Variants in NPAS3 observed in about 807,000 individuals in gnomAD.
The protein encoded by NPAS3 is neuronal PAS domain protein 3.
Under a neutral mutation model 73.1 loss-of-function variants are expected in NPAS3, and 14 were observed. The observed-to-expected ratio is 0.19, with a 90% CI of 0.13 to 0.30. NPAS3 has a LOEUF of 0.30. Among genes scored for constraint, NPAS3 ranks in the 10% least tolerant of loss-of-function variants. The pLI is 1.00. For synonymous variants in NPAS3, 620 were observed against 541.5 expected, an observed-to-expected ratio of 1.14 and a Z score of -2.01; for missense variants, 1,096 against 1,250.0, an observed-to-expected ratio of 0.88 and a Z score of 1.86.
intron 4 of NPAS3, among the ~76,000 whole-genome samples, chr14:33,373,168 A>C (rs2046166293): frequency 6.6e-6 from 1 of 152,108 alleles, no homozygotes; most frequent in South Asian, 2.1e-4. Flanking sequence ...TTAATGCTTT[A>C]ATTATTTGTT....
At chr14:33,543,220 C>G (rs2054600222) in intron 4 of NPAS3, among the ~76,000 whole-genome samples, 1 of 152,176 alleles carries the variant, frequency 6.6e-6, no homozygotes, top group South Asian at 2.1e-4. Context: ...GGAACAGTCT[C>G]CCCTCTAGCC....
At chr14:33,455,152 C>T (rs1315594780) in intron 4 of NPAS3, among the ~76,000 whole-genome samples, 1 of 152,208 alleles carries the variant, frequency 6.6e-6, no homozygotes, top group Non-Finnish European at 1.5e-5. Flanking sequence ...ATTCAGGTGA[C>T]TAAATCTGCA....
At chr14:33,550,844 A>G (rs2055076899) in intron 4 of NPAS3, among the ~76,000 whole-genome samples, 1 of 152,174 alleles carries the variant, frequency 6.6e-6, no homozygotes, top group Admixed American at 6.5e-5. Context: ...ACAGAAAACC[A>G]ATATAAAGAT....
chr14:33,628,123 A>T (rs373082676), intron 5 of NPAS3, among the ~76,000 whole-genome samples: 4 of 152,224 alleles, frequency 2.6e-5, no homozygotes, highest in Admixed American at 2.0e-4. Context: ...ATGGTTTGTT[A>T]TCTCTTTGTC....
At chr14:33,006,315 T>C (rs1201629832) in intron 1 of NPAS3, among the ~76,000 whole-genome samples, 3 of 152,130 alleles carry the variant, frequency 2.0e-5, no homozygotes, top group Non-Finnish European at 2.9e-5. Flanking sequence ...CTGTTCATAA[T>C]AACACTAGGA....
In NPAS3 at chr14:33,800,401, C is replaced by T. The variant is rs201801296; in HGVS notation, c.2094C>T (p.Gly698=). Residue 698 remains glycine (G), a synonymous_variant, in exon 12 of 12, where the codon GGC becomes GGT. Transcript: ENST00000356141. The surrounding 1 kb of genome is among the most constrained non-coding windows in gnomAD (Gnocchi z 6.5). ...ACTTCCCGTCCCCGCAGGGCGGCGG[C>T]GGTGGGGGTGGCGGTGGCGGGGGGC... 3.3e-5 allele frequency: 52 copies of T among 1,571,248 alleles called. No individual in the cohort carries two copies. The African/African-American group carries it at 5.8e-4, about 17-fold the overall frequency.
At position 33,780,547 on chromosome 14, in the gene NPAS3, C is replaced by CA. The variant is rs924950642; in HGVS notation, c.1153+1985dup. 5.4e-3 allele frequency: 1,882 copies of CA among 347,178 alleles called. 1 individual carries two copies. The highest frequency in any genetic ancestry group is 9.9e-3 in the African/African-American group (437 of 44,340). 21.5% of individuals were successfully genotyped at this position (347,178 alleles called of 1,614,324 possible). The stretch of plus-strand genomic sequence containing the variant: ...TCTAAATTCAGAAACCTGAGGCTGA[C>CA]AAAAAAAAAAGAACTTTGTCTTCCT... On this transcript the variant is annotated intron_variant, in intron 9 of 11. Coordinates refer to ENST00000356141, the Ensembl canonical transcript of NPAS3.
chr14:33,329,874 T>C (rs2043901946), intron 3 of NPAS3, among the ~76,000 whole-genome samples: 1 of 152,134 alleles, frequency 6.6e-6, no homozygotes, highest in Admixed American at 6.6e-5. Flanking sequence ...ACATAGTAAG[T>C]GTTACATTAA....
At chr14:33,466,477 G>A (rs776951134) in intron 4 of NPAS3, among the ~76,000 whole-genome samples, 1 of 152,198 alleles carries the variant, frequency 6.6e-6, no homozygotes, top group Non-Finnish European at 1.5e-5. Flanking sequence ...TCTAGCAATT[G>A]TATGCCTTTT....
At chr14:32,981,361 A>G (rs17453848) in intron 1 of NPAS3, among the ~76,000 whole-genome samples, 12,519 of 152,276 alleles carry the variant, frequency 0.082, 612 homozygotes, top group Non-Finnish European at 0.11. Flanking sequence ...TGTAAATGGA[A>G]CATGCATCTT....
chr14:33,431,785 C>A (rs1355663942), intron 4 of NPAS3, among the ~76,000 whole-genome samples: 1 of 151,864 alleles, frequency 6.6e-6, no homozygotes, highest in South Asian at 2.1e-4. Context: ...TGAGAACTCC[C>A]AAATTAAGAA....
intron 6 of NPAS3, among the ~76,000 whole-genome samples, chr14:33,685,579 A>T (rs940708252): frequency 2.0e-5 from 3 of 152,152 alleles, no homozygotes; most frequent in Non-Finnish European, 4.4e-5. Context: ...CCTGAGTGAG[A>T]GGTACCCCAA....
chr14:32,978,099 G>C (rs916265328), intron 1 of NPAS3, among the ~76,000 whole-genome samples: 1 of 144,898 alleles, frequency 6.9e-6, no homozygotes, highest in Non-Finnish European at 1.5e-5. Context: ...TTACAAATGA[G>C]GAAGTGAAGA....
At chr14:33,485,273 G>A (rs917018721) in intron 4 of NPAS3, among the ~76,000 whole-genome samples, 4 of 152,112 alleles carry the variant, frequency 2.6e-5, no homozygotes, top group African/African-American at 9.7e-5. Flanking sequence ...GAGACACCAG[G>A]AGCAACAGAG....
At chr14:33,188,095 A>G (rs966673552) in intron 2 of NPAS3, among the ~76,000 whole-genome samples, 1 of 152,230 alleles carries the variant, frequency 6.6e-6, no homozygotes, top group African/African-American at 2.4e-5. Flanking sequence ...GCCATGGACC[A>G]TATCAATTCC....
chr14:33,801,186 C>A, downstream of NPAS3: 2 of 1,514,214 alleles, frequency 1.3e-6, no homozygotes, highest in South Asian at 1.2e-5. Flanking sequence ...ACCTTTAATT[C>A]TAGCACTTTG....
intron 1 of NPAS3, among the ~76,000 whole-genome samples, chr14:32,982,015 T>C (rs1364608400): frequency 6.6e-6 from 1 of 152,326 alleles, no homozygotes; most frequent in African/African-American, 2.4e-5. Flanking sequence ...TCTCAAGATA[T>C]CTTACCAGGA....
chr14:33,057,219 G>T (rs1487216094), intron 2 of NPAS3, among the ~76,000 whole-genome samples: 2 of 152,040 alleles, frequency 1.3e-5, no homozygotes, highest in Non-Finnish European at 2.9e-5. Flanking sequence ...GTTATCTCTG[G>T]CTTTATTTAT....
chr14:33,710,532 C>T (rs967885614), intron 6 of NPAS3, among the ~76,000 whole-genome samples: 3 of 152,196 alleles, frequency 2.0e-5, no homozygotes, highest in Non-Finnish European at 2.9e-5. Context: ...TCTTCTCCTA[C>T]AAGCCCTTAC....
Sources: gnomAD v4.1 joint callset for allele counts (sites outside exome capture counted in the v4.1 genomes callset) on GRCh38, gnomAD v4.1.1 for gene constraint, Gnocchi (gnomAD v3.1) non-coding constraint, MANE v1.5 for transcripts, NCBI Gene and HGNC (gene_info 2026-07-23, HGNC 2026-07-21) for gene names.